TNS1: variants seen among roughly 807,000 people sequenced by gnomAD.
TNS1 encodes tensin 1, also known as tensin-1.
A neutral mutation model predicts 168.6 loss-of-function variants in TNS1; 62 were observed. That is an observed-to-expected ratio of 0.37 (90% CI 0.30 to 0.45). TNS1 has a LOEUF of 0.45. Ranked by LOEUF, TNS1 falls within the 20% of genes least tolerant of loss-of-function variation. TNS1 has a pLI of 1.00. For synonymous variants in TNS1, 934 were observed against 933.2 expected (o/e 1.00, Z -0.02); for missense variants, 2,240 against 2,339.4 (o/e 0.96, Z 0.88).
At chr2:217,879,748 A>G (rs1484870153) in intron 18 of TNS1, among the ~76,000 whole-genome samples, 1 of 152,160 alleles carries the variant, frequency 6.6e-6, no homozygotes, top group Non-Finnish European at 1.5e-5. Flanking sequence ...CATCAAATCC[A>G]AAACCTTGGG....
At position 217,801,105 on chromosome 2, in the gene TNS1, G is replaced by A. The variant is rs887253751; in HGVS notation, c.*3354C>T. ...GCCATTGGTGTCCACAGCTTTCAGA[G>A]CTACTGGAGGAGACGCTCAGATGAC... On this transcript the variant is annotated 3_prime_UTR_variant, in exon 33 of 33. Transcript: ENST00000682258. 6 of 152,164 alleles carry A rather than the reference G, an allele frequency of 3.9e-5. No homozygotes were observed. The highest frequency in any genetic ancestry group is 1.2e-4 in the African/African-American group (5 of 41,428). 9.4% of individuals were successfully genotyped at this position (152,164 alleles called of 1,614,324 possible).
rs747232188 is a variant in TNS1, at chr2:217,813,770, G to A, written c.4776C>T (p.Arg1592=). 11 of 1,613,832 alleles carry A rather than the reference G, an allele frequency of 6.8e-6. No homozygotes were observed. Among genetic ancestry groups the A allele is most frequent in the Admixed American group, 1.7e-5 (1 of 59,994 alleles). Reference sequence around the variant, plus strand: ...ACGCGCCTCGGAAGGAGTGACTGTCGCGGATGATGAAGGCCCCCGGCTCCT... The same window carrying A: ...ACGCGCCTCGGAAGGAGTGACTGTCACGGATGATGAAGGCCCCCGGCTCCT... ...KDQEPGAFII[R]DSHSFRGAYG... The change falls in exon 26 of 33, where the codon CGC becomes CGT. Residue 1592 remains arginine, a synonymous_variant. Coordinates refer to ENST00000682258, the MANE Select transcript of TNS1 (RefSeq NM_001387777.1). The surrounding 1 kb of genome is among the most constrained non-coding windows in gnomAD (Gnocchi z 4.0).
At chr2:217,926,189 C>T (rs1043890447) in intron 3 of TNS1, among the ~76,000 whole-genome samples, 8 of 152,164 alleles carry the variant, frequency 5.3e-5, no homozygotes, top group Non-Finnish European at 1.0e-4. Flanking sequence ...ACTGCTCATA[C>T]CTTGATCTCA....
intron 9 of TNS1, among the ~76,000 whole-genome samples, 156 bp from the exon 10 acceptor site, chr2:217,893,717 G>A (rs1003090012): frequency 2.0e-5 from 3 of 152,272 alleles, no homozygotes; most frequent in Non-Finnish European, 4.4e-5. Flanking sequence ...TGGCCAGCGA[G>A]GAGGCAGGGG....
chr2:217,837,375 G>T (rs1945314232), intron 19 of TNS1, among the ~76,000 whole-genome samples: 1 of 152,198 alleles, frequency 6.6e-6, no homozygotes, highest in Non-Finnish European at 1.5e-5. Flanking sequence ...AGCCACAAAG[G>T]CTGCCATAAA....
intron 3 of TNS1, among the ~76,000 whole-genome samples, chr2:217,963,914 G>C (rs1052993770): frequency 6.9e-6 from 1 of 145,138 alleles, no homozygotes; most frequent in Admixed American, 6.8e-5. Context: ...AATTAGTCGG[G>C]TGTGGTAAAA....
At chr2:218,013,132 T>C, upstream of TNS1, among the ~76,000 whole-genome samples, 1 of 151,434 alleles carries the variant, frequency 6.6e-6, no homozygotes, top group East Asian at 1.9e-4. Context: ...GGCAGGTACC[T>C]GTAATCCCAG....
At position 217,895,049 on chromosome 2, in the gene TNS1, T is replaced by A. The variant is rs747185017; in HGVS notation, c.551A>T (p.Asn184Ile). The A allele has an allele frequency of 4.3e-6, 7 of 1,611,212 alleles. No homozygotes were observed. The African/African-American group carries it at 9.4e-5, about 22-fold the overall frequency. The change falls in exon 9 of 33, where the codon AAC becomes ATC. Residue 184 changes from asparagine (N) to isoleucine (I), a missense_variant. By Grantham distance (149) the Asn-to-Ile change is moderately radical. This residue lies in a region of TNS1 where 2,131 missense variants were observed against 2,171.2 expected (regional missense o/e 0.98). Transcript: ENST00000682258. ...SKHGGNYLLF[N>I]LSERRPDITK... is the part of the protein sequence containing the mutation. ...GATGTCAGGTCTCCGCTCAGAGAGGTTGAACAGCTAGAAGGAGCAAAAGGA... is the reference window on the plus strand; with the variant it reads ...GATGTCAGGTCTCCGCTCAGAGAGGATGAACAGCTAGAAGGAGCAAAAGGA...
chr2:217,836,122 G>C lies in TNS1; in HGVS notation c.3097C>G (p.Pro1033Ala). The C allele has an allele frequency of 1.2e-6, 2 of 1,614,134 alleles. No homozygotes were observed. The highest frequency in any genetic ancestry group is 1.3e-5 in the African/African-American group (1 of 75,034). The change falls in exon 20 of 33, where the codon CCA (proline) becomes GCA (alanine). Residue 1033 changes from proline (P) to alanine (A), a missense_variant. Around this residue, in one of 2 missense-constraint regions of TNS1, gnomAD observed 2,131 missense variants for 2,171.2 expected, o/e 0.98. Transcript: ENST00000682258. ...GGGCTACGAGGGGATGTGGCTTCTG[G>C]AGACTGGTTCTCATACTGTCCATCA... is the stretch of plus-strand genomic sequence containing the variant. ...ASDGQYENQS[P>A]EATSPRSPGV...
chr2:217,956,142 T>G (rs1215117148), intron 3 of TNS1, among the ~76,000 whole-genome samples: 1 of 151,780 alleles, frequency 6.6e-6, no homozygotes, highest in Non-Finnish European at 1.5e-5. Context: ...TTGAATTTTG[T>G]TTTTTTTGTT....
chr2:217,955,072 G>C (rs1384957878), intron 3 of TNS1, among the ~76,000 whole-genome samples: 2 of 152,234 alleles, frequency 1.3e-5, no homozygotes, highest in East Asian at 1.9e-4. Flanking sequence ...AGCCGGACAG[G>C]TGTCCGCCAT....
At chr2:217,890,864 AG>A in intron 12 of TNS1, 97 bp downstream of exon 12, 1 of 1,352,852 alleles carries the variant, frequency 7.4e-7, no homozygotes, top group South Asian at 1.2e-5. Flanking sequence ...ACCCCCACCT[AG>A]GCACAGCTAT....
At position 217,940,375 on chromosome 2, in the gene TNS1, G is replaced by A. The variant is rs544707503; in HGVS notation, c.187-20139C>T. 1.6e-4 allele frequency among the ~76,000 whole-genome samples: 25 copies of A among 152,320 alleles called. No homozygotes were observed. In the South Asian group the frequency reaches 4.1e-3, roughly 25 times the overall value. On this transcript the variant is annotated intron_variant, in intron 3 of 32. Coordinates refer to ENST00000682258, the MANE Select transcript of TNS1 (RefSeq NM_001387777.1). Reference sequence around the variant, plus strand: ...TGGGCCTCAGTTTCCTGGGGTCAAAGAGGCTTTTGGCTCCAGAACTGAGCC... The same window carrying A: ...TGGGCCTCAGTTTCCTGGGGTCAAAAAGGCTTTTGGCTCCAGAACTGAGCC...
At chr2:217,950,585 T>C (rs1957215555) in intron 3 of TNS1, among the ~76,000 whole-genome samples, 1 of 149,212 alleles carries the variant, frequency 6.7e-6, no homozygotes, top group African/African-American at 2.5e-5. Context: ...AGGTAGGCCC[T>C]GGTGCTGGCC....
Position 218,033,115 on chromosome 2 carries a change from C to T in TNS1, c.156+705G>A, listed in dbSNP as rs1354915993. On this transcript the variant is annotated intron_variant, in intron 1 of 1. Transcript: ENST00000649572. This position sits in a 1 kb window ranked among gnomAD's most constrained non-coding sequence, Gnocchi z 4.3. ...GTGAAGAAAGAAGACCCACCAACAGCGAGTCCTGAGGTCACAGGGACCTAG... is the reference window on the plus strand; with the variant it reads ...GTGAAGAAAGAAGACCCACCAACAGTGAGTCCTGAGGTCACAGGGACCTAG... Among the ~76,000 whole-genome samples, 2 of 152,110 alleles carry T rather than the reference C, an allele frequency of 1.3e-5. No homozygotes were observed. Among genetic ancestry groups the T allele is most frequent in the East Asian group, 1.9e-4 (1 of 5,180 alleles).
At chr2:217,990,395 C>T in intron 2 of TNS1, among the ~76,000 whole-genome samples, 1 of 149,248 alleles carries the variant, frequency 6.7e-6, no homozygotes, top group East Asian at 2.0e-4. Flanking sequence ...CACACATAGG[C>T]CACACACCAG....
At chr2:218,010,315 C>T in exon 1 of TNS1, 2 of 396,484 alleles carry the variant, frequency 5.0e-6, no homozygotes, top group Non-Finnish European at 8.9e-6. Context: ...CCTACCCTGT[C>T]CCGGGTCTCC....
rs566062288 is a variant in TNS1, at chr2:217,976,082, T to C, written c.186+2683A>G. ...ATCATCATCTGGGTCCCACCTCACA[T>C]GACTCTTCCTCCAAGGAGTCTTTCT... On this transcript the variant is annotated intron_variant, in intron 3 of 32. Transcript: ENST00000682258. Among the ~76,000 whole-genome samples the C allele has an allele frequency of 1.3e-4, 20 of 152,304 alleles. No homozygotes were observed. The South Asian group carries it at 3.3e-3, about 25-fold the overall frequency.
chr2:217,807,415 C>T (rs1238906525), intron 32 of TNS1, among the ~76,000 whole-genome samples: 2 of 152,212 alleles, frequency 1.3e-5, no homozygotes, highest in African/African-American at 4.8e-5. Context: ...CTCTTCTGTA[C>T]ATCAGGTACA....
Sources: allele counts gnomAD v4.1 joint callset (sites outside exome capture counted in the v4.1 genomes callset), GRCh38; gene constraint gnomAD v4.1.1; regional missense constraint gnomAD v4.1.1; non-coding constraint Gnocchi (gnomAD v3.1); transcripts MANE v1.5; gene names NCBI Gene and HGNC (gene_info 2026-07-23, HGNC 2026-07-21).